GRM8: variants seen among roughly 807,000 people sequenced by gnomAD.
GRM8 encodes the protein metabotropic glutamate receptor 8.
In GRM8, 47 loss-of-function variants were observed where a neutral mutation model predicts 87.2. That is an observed-to-expected ratio of 0.54 (90% CI 0.43 to 0.69). The LOEUF (loss-of-function observed/expected upper bound fraction) is 0.69. GRM8 is among the 30% of genes least tolerant of loss of function. The probability of loss-of-function intolerance (pLI) is 0.00; values close to 1 mark genes in which losing one functional copy is unlikely to be tolerated. For missense variants in GRM8, 1,019 were observed against 1,139.2 expected (o/e 0.89, Z 1.52); for synonymous variants, 396 against 404.5 (o/e 0.98, Z 0.25).
At chr7:126,460,136 A>T (rs1252818618) in intron 9 of GRM8, among the ~76,000 whole-genome samples, 2 of 151,564 alleles carry the variant, frequency 1.3e-5, no homozygotes, top group African/African-American at 2.4e-5. Flanking sequence ...CTCAGACATG[A>T]CATTTAGAAC....
chr7:126,843,492 T>C (rs1393648449), intron 6 of GRM8, among the ~76,000 whole-genome samples: 1 of 152,220 alleles, frequency 6.6e-6, no homozygotes, highest in Non-Finnish European at 1.5e-5. Flanking sequence ...TTAGTTTCAG[T>C]TGGGTCTTCA....
intron 9 of GRM8, among the ~76,000 whole-genome samples, chr7:126,530,662 G>A (rs1427271685): frequency 6.6e-6 from 1 of 152,226 alleles, no homozygotes; most frequent in Admixed American, 6.5e-5. Flanking sequence ...CAGTACAAAA[G>A]AAAATGGAGG....
At chr7:126,811,337 G>C (rs541929102) in intron 6 of GRM8, among the ~76,000 whole-genome samples, 1 of 151,326 alleles carries the variant, frequency 6.6e-6, no homozygotes, top group African/African-American at 2.4e-5. Flanking sequence ...CTTGCTTTGG[G>C]TATTCGGGAT....
Position 126,532,764 on chromosome 7 carries a change from G to GATATATATAT in GRM8, c.2430+178_2430+187dup, listed in dbSNP as rs521. 1.9e-3 allele frequency among the ~76,000 whole-genome samples: 211 copies of GATATATATAT among 110,916 alleles called. 5 individuals carry two copies. The highest frequency in any genetic ancestry group is 2.7e-3 in the Non-Finnish European group (147 of 54,238). The allele number at this position is 110,916 out of a possible 152,430, so 72.8% of individuals were successfully genotyped here. A position where few individuals can be genotyped will look rare whatever the true frequency, so the allele number is the denominator to read the frequency against. On this transcript the variant is annotated intron_variant, in intron 9 of 10. Transcript: ENST00000339582. Reference sequence around the variant, plus strand: ...AAGCAATGTGACCTTGACGGATGGAGATATATATATATATATATATATATA... The same window carrying GATATATATAT: ...AAGCAATGTGACCTTGACGGATGGAGATATATATATATATATATATATATATATATATATA...
At chr7:127,017,242 T>A (rs2132177876) in intron 3 of GRM8, among the ~76,000 whole-genome samples, 1 of 152,218 alleles carries the variant, frequency 6.6e-6, no homozygotes, top group South Asian at 2.1e-4. Context: ...CTAAGTTCTC[T>A]TAAATTTTAC....
chr7:126,587,576 G>C (rs1796265191), intron 8 of GRM8, among the ~76,000 whole-genome samples: 1 of 150,200 alleles, frequency 6.7e-6, no homozygotes, highest in Admixed American at 6.7e-5. Context: ...CTATCGCAGG[G>C]ACAAAAAAAC....
intron 6 of GRM8, chr7:126,868,803 G>C (rs1478962354): frequency 6.6e-6 from 1 of 152,174 alleles, no homozygotes; most frequent in Non-Finnish European, 1.5e-5. Context: ...TCTGCTGGTG[G>C]AGGTTCTTGC....
chr7:126,565,316 C>T (rs901140403), intron 8 of GRM8, among the ~76,000 whole-genome samples: 2 of 149,654 alleles, frequency 1.3e-5, no homozygotes, highest in Non-Finnish European at 3.0e-5. Flanking sequence ...ATTAAAAAAA[C>T]AAAACAAAAC....
intron 9 of GRM8, among the ~76,000 whole-genome samples, chr7:126,488,551 T>G (rs112898720): frequency 0.02 from 3,057 of 152,070 alleles, 125 homozygotes; most frequent in African/African-American, 0.07. Context: ...AAAACACACC[T>G]TTTTCCCCTC....
intron 3 of GRM8, among the ~76,000 whole-genome samples, chr7:127,079,695 C>G (rs908211539): frequency 6.6e-6 from 1 of 152,172 alleles, no homozygotes; most frequent in African/African-American, 2.4e-5. Context: ...TTTTTTCTTC[C>G]TCAGGGACTA....
intron 8 of GRM8, among the ~76,000 whole-genome samples, chr7:126,589,885 T>C (rs1414844116): frequency 6.6e-6 from 1 of 152,108 alleles, no homozygotes; most frequent in Non-Finnish European, 1.5e-5. Flanking sequence ...ACAGAAGCCC[T>C]TGAGCCCCAG....
chr7:126,981,850 CT>C (rs11330907), intron 3 of GRM8: 116,818 of 152,042 alleles, frequency 0.77, 45,239 homozygotes, highest in East Asian at 0.97. Context: ...TTCCCTATAC[CT>C]TTCTCAGGCA....
intron 9 of GRM8, among the ~76,000 whole-genome samples, chr7:126,446,917 C>T (rs1275576954): frequency 2.6e-5 from 4 of 151,862 alleles, no homozygotes; most frequent in Non-Finnish European, 5.9e-5. Flanking sequence ...GTCATAAGGG[C>T]TTGATTTTTT....
At chr7:126,947,021 T>A (rs1807609999) in intron 3 of GRM8, among the ~76,000 whole-genome samples, 1 of 152,344 alleles carries the variant, frequency 6.6e-6, no homozygotes, top group Admixed American at 6.5e-5. Context: ...GTGTCCTTCA[T>A]CTTCCATGAA....
chr7:126,762,031 C>T (rs1187506360), intron 7 of GRM8, among the ~76,000 whole-genome samples: 5 of 152,050 alleles, frequency 3.3e-5, no homozygotes, highest in Non-Finnish European at 7.4e-5. Flanking sequence ...GTTTCTGTAC[C>T]TCCACTGTTA....
chr7:126,854,764 C>T (rs1797526986), intron 6 of GRM8, among the ~76,000 whole-genome samples: 1 of 152,198 alleles, frequency 6.6e-6, no homozygotes, highest in South Asian at 2.1e-4. Context: ...ACCTACCTTG[C>T]ATTACAATTA....
At chr7:127,002,747 G>T (rs929941038) in intron 3 of GRM8, among the ~76,000 whole-genome samples, 2 of 151,662 alleles carry the variant, frequency 1.3e-5, no homozygotes, top group African/African-American at 4.8e-5. Flanking sequence ...AGCCAGGAAT[G>T]ATTTTAAAAC....
At chr7:126,902,517 C>A in intron 6 of GRM8, 25 bp downstream of exon 6, 1 of 1,521,314 alleles carries the variant, frequency 6.6e-7, no homozygotes, top group Non-Finnish European at 8.9e-7. Flanking sequence ...AATAAATGCA[C>A]CACAGGAAAC....
chr7:127,035,952 G>T (rs17869345), intron 3 of GRM8, among the ~76,000 whole-genome samples: 1 of 151,962 alleles, frequency 6.6e-6, no homozygotes, highest in African/African-American at 2.4e-5. Flanking sequence ...TCTGACTTCC[G>T]CTGTTACTTG....
Sources: gnomAD v4.1 joint callset for allele counts (sites outside exome capture counted in the v4.1 genomes callset) on GRCh38, gnomAD v4.1.1 for gene constraint, MANE v1.5 for transcripts, NCBI Gene and HGNC (gene_info 2026-07-23, HGNC 2026-07-21) for gene names.